The following KLF9 variants were observed in gnomAD, a reference collection of about 807,000 sequenced individuals.
KLF9 encodes the protein Krueppel-like factor 9.
KLF9 carries 2 observed loss-of-function variants against 17.3 expected under a neutral mutation model. That is an observed-to-expected ratio of 0.12 (90% CI 0.05 to 0.36). KLF9 has a LOEUF of 0.36. Ranked by LOEUF, KLF9 falls within the 10% of genes least tolerant of loss-of-function variation. KLF9 has a pLI of 1.00. For missense variants in KLF9, 226 were observed against 333.2 expected, an observed-to-expected ratio of 0.68 and a Z score of 2.51; for synonymous variants, 138 against 139.2, an observed-to-expected ratio of 0.99 and a Z score of 0.06.
At chr9:70,389,389 G>A (rs942860602) in intron 1 of KLF9, among the ~76,000 whole-genome samples, 18 of 152,234 alleles carry the variant, frequency 1.2e-4, no homozygotes, top group East Asian at 1.9e-4. Flanking sequence ...AGAAAACTGA[G>A]ACTTGGAGGG....
At chr9:70,397,650 G>C (rs1246363946) in intron 1 of KLF9, among the ~76,000 whole-genome samples, 1 of 152,138 alleles carries the variant, frequency 6.6e-6, no homozygotes, top group Non-Finnish European at 1.5e-5. Context: ...GTAACAGTAG[G>C]GTTGCCCAAC....
intron 1 of KLF9, among the ~76,000 whole-genome samples, chr9:70,400,201 A>G (rs1008154697): frequency 6.6e-6 from 1 of 152,130 alleles, no homozygotes; most frequent in African/African-American, 2.4e-5. Context: ...GGGGAAAAGG[A>G]CTGTGTTCCT....
At chr9:70,404,119 C>T (rs1350471126) in intron 1 of KLF9, among the ~76,000 whole-genome samples, 1 of 152,122 alleles carries the variant, frequency 6.6e-6, no homozygotes, top group East Asian at 1.9e-4. Flanking sequence ...AGAACAGCAC[C>T]TTTCTATCTC....
intron 1 of KLF9, among the ~76,000 whole-genome samples, chr9:70,388,911 G>A (rs1179447818): frequency 3.3e-5 from 5 of 152,082 alleles, no homozygotes; most frequent in African/African-American, 4.8e-5. Flanking sequence ...AGGCTGAGGC[G>A]GGCAGATCAC....
intron 1 of KLF9, among the ~76,000 whole-genome samples, chr9:70,388,246 C>T (rs920358730): frequency 2.0e-5 from 3 of 152,132 alleles, no homozygotes; most frequent in African/African-American, 7.2e-5. Flanking sequence ...TGAGGGCAGG[C>T]CTTAATCCAC....
rs1403037597 is a variant in KLF9 at position 70,404,628 on chromosome 9, A to G, written c.505+8231T>C. 2.0e-5 allele frequency among the ~76,000 whole-genome samples: 3 copies of G among 152,166 alleles called. 1 individual carries two copies. The highest frequency in any genetic ancestry group is 7.2e-5 in the African/African-American group (3 of 41,498). On this transcript the variant is annotated intron_variant, in intron 1 of 1. Transcript: ENST00000377126. ...TCAAAATCATAATAATAATAATAATAAATAATTGAAGTGAATGAGGCAGTG... is the reference window on the plus strand; with the variant it reads ...TCAAAATCATAATAATAATAATAATGAATAATTGAAGTGAATGAGGCAGTG...
Position 70,411,666 on chromosome 9 carries a change from T to C in KLF9, c.505+1193A>G, listed in dbSNP as rs552148892. Among the ~76,000 whole-genome samples, 400 of 152,236 alleles carry C rather than the reference T, an allele frequency of 2.6e-3. 1 individual carries two copies. The highest frequency in any genetic ancestry group is 9.3e-3 in the African/African-American group (388 of 41,534). On this transcript the variant is annotated intron_variant, in intron 1 of 1. Transcript: ENST00000377126. The stretch of plus-strand genomic sequence containing the variant: ...AACAAAACAAAAAACCCCAATCAAG[T>C]ATCATTTTTTTCCATGTATCATTTT...
chr9:70,386,413 T>C lies in KLF9; in HGVS notation c.*1363A>G, dbSNP rs911851668. ...ATGTGATTTCATTCCTAGTATTCCA[T>C]GTTGCCTGCATTCTCCACAAGGGAC... is the stretch of plus-strand genomic sequence containing the variant. On this transcript the variant is annotated 3_prime_UTR_variant, in exon 2 of 2. Transcript: ENST00000377126. 7 of 152,682 alleles carry C rather than the reference T, an allele frequency of 4.6e-5. No individual in the cohort carries two copies. Among genetic ancestry groups the C allele is most frequent in the African/African-American group, 1.7e-4 (7 of 41,468 alleles). The allele number at this position is 152,682 out of a possible 1,614,324, so 9.5% of individuals were successfully genotyped here. A position where few individuals can be genotyped will look rare whatever the true frequency, so the allele number is the denominator to read the frequency against.
chr9:70,395,411 A>G (rs1457365524), intron 1 of KLF9, among the ~76,000 whole-genome samples: 2 of 152,124 alleles, frequency 1.3e-5, no homozygotes, highest in Non-Finnish European at 2.9e-5. Flanking sequence ...GAGACTTTCT[A>G]AACATGAAAC....
At chr9:70,407,028 C>G (rs2037260864) in intron 1 of KLF9, among the ~76,000 whole-genome samples, 1 of 151,230 alleles carries the variant, frequency 6.6e-6, no homozygotes, top group South Asian at 2.1e-4. Flanking sequence ...GGATAGAAAG[C>G]AGGCTCCAAC....
In KLF9 at chr9:70,413,526, C is replaced by G. The variant is rs1587745593; in HGVS notation, c.-163G>C. On this transcript the variant is annotated 5_prime_UTR_variant, in exon 1 of 2. Transcript: ENST00000377126. The surrounding 1 kb of genome is among the most constrained non-coding windows in gnomAD (Gnocchi z 5.6). The stretch of plus-strand genomic sequence containing the variant: ...GGGCGCTTCCGACTCGCAGGAGCGC[C>G]GAGGCGACCTCAGCCCCTCATCTTT... 2 of 611,182 alleles carry G rather than the reference C, an allele frequency of 3.3e-6. No homozygotes were observed. The highest frequency in any genetic ancestry group is 4.5e-5 in the East Asian group (1 of 22,074). The allele number at this position is 611,182 out of a possible 1,614,324, so 37.9% of individuals were successfully genotyped here. A position where few individuals can be genotyped will look rare whatever the true frequency, so the allele number is the denominator to read the frequency against.
intron 1 of KLF9, among the ~76,000 whole-genome samples, 197 bp downstream of exon 1, chr9:70,412,662 C>T (rs912784216): frequency 1.3e-5 from 2 of 152,206 alleles, no homozygotes; most frequent in Non-Finnish European, 1.5e-5. Context: ...TCCGTGGCTC[C>T]CGGAGGCCGG....
In KLF9 at chr9:70,385,758, A is replaced by G. The variant is rs917917240; in HGVS notation, c.*2018T>C. 4 of 152,636 alleles carry G rather than the reference A, an allele frequency of 2.6e-5. No individual in the cohort carries two copies. The highest frequency in any genetic ancestry group is 9.6e-5 in the African/African-American group (4 of 41,452). The allele number at this position is 152,636 out of a possible 1,614,324, so 9.5% of individuals were successfully genotyped here. ...CTTAAAACTTATTTTGGACACAGAAATTAAAATTTGGTTTAAAATAAGTGT... is the reference window on the plus strand; with the variant it reads ...CTTAAAACTTATTTTGGACACAGAAGTTAAAATTTGGTTTAAAATAAGTGT... On this transcript the variant is annotated 3_prime_UTR_variant, in exon 2 of 2. Transcript: ENST00000377126.
rs2037118397 is a variant in KLF9, at chr9:70,387,170, T to C, written c.*606A>G. Reference sequence around the variant, plus strand: ...GATCATGCTGGAGTAGATGTGCTCTTGCTTGCATAAAGACAGCTGTGCTAT... The same window carrying C: ...GATCATGCTGGAGTAGATGTGCTCTCGCTTGCATAAAGACAGCTGTGCTAT... On this transcript the variant is annotated 3_prime_UTR_variant, in exon 2 of 2. Transcript: ENST00000377126. 2 of 154,164 alleles carry C rather than the reference T, an allele frequency of 1.3e-5. No homozygotes were observed. Among genetic ancestry groups the C allele is most frequent in the African/African-American group, 2.4e-5 (1 of 41,412 alleles). The allele number at this position is 154,164 out of a possible 1,614,324, so 9.5% of individuals were successfully genotyped here. A position where few individuals can be genotyped will look rare whatever the true frequency, so the allele number is the denominator to read the frequency against.
chr9:70,388,133 T>TC (rs1292719443), intron 1 of KLF9, 128 bp from the exon 2 acceptor site: 2 of 718,854 alleles, frequency 2.8e-6, no homozygotes. Context: ...TGTGTCCCCC[T>TC]CCCCAAAATC....
intron 1 of KLF9, among the ~76,000 whole-genome samples, chr9:70,399,664 T>A (rs1466395989): frequency 6.6e-6 from 1 of 152,174 alleles, no homozygotes; most frequent in Non-Finnish European, 1.5e-5. Context: ...TGTGACCAGA[T>A]TAAAACCAGG....
rs972116409 is a variant in KLF9 at position 70,402,982 on chromosome 9, T to C, written c.505+9877A>G. On this transcript the variant is annotated intron_variant, in intron 1 of 1. Transcript: ENST00000377126. The stretch of plus-strand genomic sequence containing the variant: ...CTGACCAACCTGGTGAAAACCCATC[T>C]CTACTAAAAATACAAAAATTAGCCT... Among the ~76,000 whole-genome samples, 7 of 152,038 alleles carry C rather than the reference T, an allele frequency of 4.6e-5. No homozygotes were observed. In the East Asian group the frequency reaches 1.2e-3, roughly 25 times the overall value.
Position 70,414,386 on chromosome 9 carries a change from C to T in KLF9, c.-1023G>A, listed in dbSNP as rs896051801. On this transcript the variant is annotated 5_prime_UTR_variant, in exon 1 of 2. Coordinates refer to ENST00000377126, the MANE Select transcript of KLF9 (RefSeq NM_001206.4). ...GTGACTTCCTGCAAACGCTACAGTCCCAGCAACCAGCCTTCCAATCAAAAG... is the reference window on the plus strand; with the variant it reads ...GTGACTTCCTGCAAACGCTACAGTCTCAGCAACCAGCCTTCCAATCAAAAG... 13 of 152,192 alleles carry T rather than the reference C, an allele frequency of 8.5e-5. No homozygotes were observed. Among genetic ancestry groups the T allele is most frequent in the African/African-American group, 3.1e-4 (13 of 41,448 alleles). The allele number at this position is 152,192 out of a possible 1,614,324, so 9.4% of individuals were successfully genotyped here.
intron 1 of KLF9, among the ~76,000 whole-genome samples, chr9:70,388,959 G>A (rs1279030816): frequency 6.6e-6 from 1 of 152,068 alleles, no homozygotes; most frequent in Non-Finnish European, 1.5e-5. Context: ...TGACCAACAT[G>A]GTGAAACCCC....
Sources: allele counts gnomAD v4.1 joint callset (sites outside exome capture counted in the v4.1 genomes callset), GRCh38; gene constraint gnomAD v4.1.1; non-coding constraint Gnocchi (gnomAD v3.1); transcripts MANE v1.5; gene names NCBI Gene and HGNC (gene_info 2026-07-23, HGNC 2026-07-21).